MED13L: variants seen among roughly 807,000 people sequenced by gnomAD.
MED13L encodes the protein mediator complex subunit 13L.
MED13L carries 7 observed loss-of-function variants against 220.9 expected under a neutral mutation model. That is an observed-to-expected ratio of 0.03 (90% CI 0.02 to 0.06). The LOEUF is 0.06. Among genes scored for constraint, MED13L ranks in the 10% least tolerant of loss-of-function variants. MED13L has a pLI of 1.00. For synonymous variants in MED13L, 1,011 were observed against 1,015.2 expected (o/e 1.00, Z 0.08); for missense variants, 1,965 against 2,760.5 (o/e 0.71, Z 6.46).
At chr12:116,133,053 A>G (rs1012216109) in intron 2 of MED13L, among the ~76,000 whole-genome samples, 4 of 152,320 alleles carry the variant, frequency 2.6e-5, no homozygotes, top group African/African-American at 9.6e-5. Flanking sequence ...ATATTTGAAA[A>G]CTATAAGTTT....
intron 2 of MED13L, among the ~76,000 whole-genome samples, chr12:116,178,812 T>C (rs1272038899): frequency 1.3e-5 from 2 of 152,242 alleles, no homozygotes; most frequent in African/African-American, 2.4e-5. Context: ...GCTTCTAAAA[T>C]ATTGTGACTG....
chr12:116,133,990 T>TTGGAGCCCTTCCAG (rs1193962789), intron 2 of MED13L, among the ~76,000 whole-genome samples: 4 of 152,192 alleles, frequency 2.6e-5, no homozygotes, highest in African/African-American at 9.7e-5. Flanking sequence ...GACTGCAGTC[T>TTGGAGCCCTTCCAG]TGGAGCCCTT....
At chr12:115,999,606 T>C (rs1046953541) in intron 14 of MED13L, among the ~76,000 whole-genome samples, 1 of 152,066 alleles carries the variant, frequency 6.6e-6, no homozygotes, top group African/African-American at 2.4e-5. Flanking sequence ...AGAAATTGTA[T>C]AAATTCTCTT....
At chr12:116,062,488 GT>G (rs56251325) in intron 4 of MED13L, among the ~76,000 whole-genome samples, 49,608 of 96,592 alleles carry the variant, frequency 0.51, 9,884 homozygotes, top group East Asian at 0.64. Flanking sequence ...CTCTCTCTGT[GT>G]TTTTTTTTTT....
intron 4 of MED13L, among the ~76,000 whole-genome samples, chr12:116,070,253 G>A (rs959361936): frequency 6.6e-6 from 1 of 152,138 alleles, no homozygotes; most frequent in East Asian, 1.9e-4. Context: ...CATGTTAATA[G>A]CTATCTGACC....
In MED13L at chr12:115,961,346, T is replaced by A; in HGVS notation, c.6553A>T (p.Thr2185Ser). ...GGAAGGCAGGAAGTACGGTCCTGGG[T>A]GGCCGGATTGCACGTGAGCCAGGAC... Reference protein sequence around the residue: ...ALSWLTCNPATQDRTSCLPVH... With the variant: ...ALSWLTCNPASQDRTSCLPVH... Residue 2185 changes from threonine to serine, a missense_variant, in exon 31 of 31, where the codon ACC becomes TCC. By Grantham distance (58) the Thr-to-Ser change is moderately conservative. Transcript: ENST00000281928. 1.2e-6 allele frequency: 2 copies of A among 1,614,126 alleles called. No individual in the cohort carries two copies. Among genetic ancestry groups the A allele is most frequent in the Non-Finnish European group, 1.7e-6 (2 of 1,180,010 alleles).
rs773823578 is a variant in MED13L, at chr12:116,007,373, C to A, written c.2238+38G>T. ...CATGTTGTACTGACATAGATAGAAA[C>A]CCACACCATGCTGGACTCTCTCTCT... On this transcript the variant is annotated intron_variant, in intron 11 of 30. Coordinates refer to ENST00000281928, the MANE Select transcript of MED13L (RefSeq NM_015335.5). 3 of 1,567,304 alleles carry A rather than the reference C, an allele frequency of 1.9e-6. No homozygotes were observed. The East Asian group carries it at 6.7e-5, about 35-fold the overall frequency.
intron 2 of MED13L, among the ~76,000 whole-genome samples, chr12:116,186,081 T>C (rs575578925): frequency 8.9e-4 from 136 of 152,352 alleles, no homozygotes; most frequent in African/African-American, 3.2e-3. Context: ...CTGCATTTCA[T>C]CATATACTTC....
chr12:116,032,709 A>G (rs1880927881), intron 4 of MED13L, among the ~76,000 whole-genome samples: 1 of 152,144 alleles, frequency 6.6e-6, no homozygotes, highest in Non-Finnish European at 1.5e-5. Context: ...TACAACCGCC[A>G]TGGGTCTCTT....
At chr12:116,004,613 G>C (rs1878935015) in intron 13 of MED13L, among the ~76,000 whole-genome samples, 2 of 151,942 alleles carry the variant, frequency 1.3e-5, no homozygotes, top group Non-Finnish European at 2.9e-5. Context: ...ACAGACCAAT[G>C]GTCTGTTCCT....
intron 2 of MED13L, among the ~76,000 whole-genome samples, chr12:116,166,338 G>A (rs930349474): frequency 2.0e-5 from 3 of 152,164 alleles, no homozygotes; most frequent in African/African-American, 7.2e-5. Flanking sequence ...TTAATCTGGT[G>A]GGCACAATCT....
chr12:116,090,662 T>C (rs1454086872), intron 4 of MED13L, among the ~76,000 whole-genome samples: 1 of 152,228 alleles, frequency 6.6e-6, no homozygotes. Context: ...CCCAAAGGAT[T>C]CACTAGGTCC....
chr12:116,031,730 GAAAAGAAAA>G (rs1880806086), intron 4 of MED13L, among the ~76,000 whole-genome samples: 2 of 65,438 alleles, frequency 3.1e-5, no homozygotes, highest in African/African-American at 1.6e-4. Context: ...GAAAAGAAAA[GAAAAGAAAA>G]GAAAAGAAAA....
intron 27 of MED13L, 23 bp from the exon 28 acceptor site, chr12:115,969,120 A>G: frequency 6.2e-7 from 1 of 1,611,034 alleles, no homozygotes; most frequent in Non-Finnish European, 8.5e-7. Context: ...GGGGAAAAAA[A>G]GCACAAAAAT....
intron 2 of MED13L, among the ~76,000 whole-genome samples, chr12:116,150,642 C>A (rs1455590026): frequency 6.6e-6 from 1 of 152,152 alleles, no homozygotes; most frequent in Non-Finnish European, 1.5e-5. Context: ...TCTGACCTCC[C>A]ACAGAACTGA....
At chr12:116,275,940 T>A (rs1424649096) in intron 1 of MED13L, among the ~76,000 whole-genome samples, 2 of 152,222 alleles carry the variant, frequency 1.3e-5, no homozygotes, top group African/African-American at 4.8e-5. Context: ...CAGTAACTCA[T>A]GCACAAAGCA....
intron 2 of MED13L, among the ~76,000 whole-genome samples, chr12:116,199,803 T>C (rs1881885556): frequency 6.6e-6 from 1 of 152,122 alleles, no homozygotes; most frequent in Non-Finnish European, 1.5e-5. Flanking sequence ...CTTAACACCA[T>C]ACTTCCAACA....
chr12:115,971,559 C>T (rs535836143), intron 26 of MED13L, among the ~76,000 whole-genome samples: 1 of 152,306 alleles, frequency 6.6e-6, no homozygotes, highest in East Asian at 1.9e-4. Context: ...ACGTTTTGGC[C>T]ATCCACAAAT....
At chr12:116,200,625 G>GA (rs550388032) in intron 2 of MED13L, among the ~76,000 whole-genome samples, 103 of 152,208 alleles carry the variant, frequency 6.8e-4, no homozygotes, top group Admixed American at 1.1e-3. Context: ...CACAAGGAGA[G>GA]AAAAAACACA....
Sources: gnomAD v4.1 joint callset for allele counts (sites outside exome capture counted in the v4.1 genomes callset) on GRCh38, gnomAD v4.1.1 for gene constraint, MANE v1.5 for transcripts, NCBI Gene and HGNC (gene_info 2026-07-23, HGNC 2026-07-21) for gene names.